Variants in SENP5 observed in about 807,000 individuals in gnomAD.
SENP5 encodes SUMO specific peptidase 5.
A neutral mutation model predicts 74.2 loss-of-function variants in SENP5; 21 were observed. The ratio of observed to expected loss-of-function variants is 0.28; its 90% CI spans 0.20 to 0.41. The LOEUF (loss-of-function observed/expected upper bound fraction) is 0.41. SENP5 is among the 10% of genes least tolerant of loss of function. The pLI is 1.00. For synonymous variants in SENP5, 311 were observed against 312.7 expected (o/e 0.99, Z 0.06); for missense variants, 717 against 889.1 (o/e 0.81, Z 2.46).
intron 6 of SENP5, among the ~76,000 whole-genome samples, chr3:196,921,139 A>G (rs937290426): frequency 6.6e-6 from 1 of 152,250 alleles, no homozygotes; most frequent in African/African-American, 2.4e-5. Flanking sequence ...TTGCATATAT[A>G]TAATGAGATA....
intron 1 of SENP5, among the ~76,000 whole-genome samples, chr3:196,884,553 A>G (rs903619123): frequency 6.6e-6 from 1 of 152,230 alleles, no homozygotes; most frequent in Non-Finnish European, 1.5e-5. Flanking sequence ...TTTACTCAGA[A>G]GTGCTGTATT....
At chr3:196,894,994 T>C (rs1714380407) in intron 2 of SENP5, among the ~76,000 whole-genome samples, 1 of 152,220 alleles carries the variant, frequency 6.6e-6, no homozygotes, top group Non-Finnish European at 1.5e-5. Flanking sequence ...TTAGATACTG[T>C]ATACCTTCCT....
rs1181362676 is a variant in SENP5, at chr3:196,932,506, C to G, written c.*1583C>G. 1 of 152,180 alleles carries G rather than the reference C, an allele frequency of 6.6e-6. No homozygotes were observed. The highest frequency in any genetic ancestry group is 1.5e-5 in the Non-Finnish European group (1 of 68,082). The allele number at this position is 152,180 out of a possible 1,614,324, so 9.4% of individuals were successfully genotyped here. Reference sequence around the variant, plus strand: ...CCAGCACTTTCCTCTCCTGAGTCCTCCAGACCCAAAATCCTTAATGTCAAA... The same window carrying G: ...CCAGCACTTTCCTCTCCTGAGTCCTGCAGACCCAAAATCCTTAATGTCAAA... On this transcript the variant is annotated 3_prime_UTR_variant, in exon 10 of 10. Coordinates refer to ENST00000323460, the MANE Select transcript of SENP5 (RefSeq NM_152699.5).
At chr3:196,891,274 G>T (rs950890586) in intron 2 of SENP5, among the ~76,000 whole-genome samples, 1 of 152,208 alleles carries the variant, frequency 6.6e-6, no homozygotes, top group East Asian at 1.9e-4. Flanking sequence ...ATTAATAGTT[G>T]CCAGGAGCTG....
intron 2 of SENP5, among the ~76,000 whole-genome samples, chr3:196,889,893 A>G (rs1460554719): frequency 6.6e-6 from 1 of 152,208 alleles, no homozygotes; most frequent in Admixed American, 6.5e-5. Flanking sequence ...CACCCATGGT[A>G]AGGACTGAGT....
At chr3:196,928,739 G>A (rs537869116) in intron 8 of SENP5, among the ~76,000 whole-genome samples, 20 of 152,248 alleles carry the variant, frequency 1.3e-4, no homozygotes, top group South Asian at 8.3e-4. Flanking sequence ...TTAAAATTAA[G>A]CTTAAGTTTT....
Position 196,902,462 on chromosome 3 carries a change from G to A in SENP5, c.1807-1071G>A, listed in dbSNP as rs139879103. Reference sequence around the variant, plus strand: ...TTCAGTCTGTATGTTAAGCTGCATGGTTATCAAAAGAATGTGCCTCAGAAC... The same window carrying A: ...TTCAGTCTGTATGTTAAGCTGCATGATTATCAAAAGAATGTGCCTCAGAAC... On this transcript the variant is annotated intron_variant, in intron 5 of 9. Coordinates refer to ENST00000323460, the MANE Select transcript of SENP5 (RefSeq NM_152699.5). Among the ~76,000 whole-genome samples, 18 of 152,258 alleles carry A rather than the reference G, an allele frequency of 1.2e-4. No homozygotes were observed. In the East Asian group the frequency reaches 3.3e-3, roughly 28 times the overall value.
At chr3:196,891,854 G>C (rs1212932034) in intron 2 of SENP5, among the ~76,000 whole-genome samples, 4 of 151,454 alleles carry the variant, frequency 2.6e-5, no homozygotes, top group Non-Finnish European at 5.9e-5. Flanking sequence ...GCAGTGGCGT[G>C]ATCTTTGCTT....
intron 1 of SENP5, among the ~76,000 whole-genome samples, chr3:196,884,132 G>C (rs539142534): frequency 1.3e-5 from 2 of 152,168 alleles, no homozygotes; most frequent in African/African-American, 4.8e-5. Flanking sequence ...AAAAGAGCAG[G>C]TACTTTTGTT....
At chr3:196,884,539 A>G (rs1479144223) in intron 1 of SENP5, among the ~76,000 whole-genome samples, 4 of 152,246 alleles carry the variant, frequency 2.6e-5, no homozygotes, top group Admixed American at 6.5e-5. Context: ...CAGCTTGACA[A>G]CAGTTTACTC....
intron 9 of SENP5, 83 bp downstream of exon 9, chr3:196,929,766 A>G (rs904085967): frequency 7.0e-5 from 63 of 898,734 alleles, no homozygotes; most frequent in East Asian, 1.4e-4. Context: ...CAGTTCCTGT[A>G]TGTGTATATG....
intron 1 of SENP5, among the ~76,000 whole-genome samples, chr3:196,872,049 C>T (rs749989701): frequency 3.9e-5 from 6 of 152,150 alleles, no homozygotes; most frequent in African/African-American, 7.2e-5. Context: ...CACACTTGGC[C>T]GATATAACTT....
intron 2 of SENP5, among the ~76,000 whole-genome samples, chr3:196,887,612 G>C (rs1714030732): frequency 6.6e-6 from 1 of 151,772 alleles, no homozygotes; most frequent in Non-Finnish European, 1.5e-5. Context: ...AGGGAACTTG[G>C]TGTCATTCTA....
intron 1 of SENP5, among the ~76,000 whole-genome samples, chr3:196,872,657 C>G (rs2108802697): frequency 1.3e-5 from 2 of 152,256 alleles, no homozygotes; most frequent in Middle Eastern, 6.8e-3. Flanking sequence ...GATAGCGGAG[C>G]TGCACTATCC....
At chr3:196,897,576 G>A (rs928231918) in intron 2 of SENP5, among the ~76,000 whole-genome samples, 3 of 152,200 alleles carry the variant, frequency 2.0e-5, no homozygotes, top group African/African-American at 7.2e-5. Context: ...TCACTTCTTT[G>A]TCTGTCTCTC....
intron 7 of SENP5, 83 bp downstream of exon 7, chr3:196,923,634 CA>C (rs1286215638): frequency 3.3e-6 from 3 of 916,336 alleles, no homozygotes; most frequent in Non-Finnish European, 5.0e-6. Context: ...CAGCAGCAGT[CA>C]AAACCATATA....
intron 3 of SENP5, 39 bp downstream of exon 3, chr3:196,899,810 A>C: frequency 6.4e-7 from 1 of 1,559,206 alleles, no homozygotes; most frequent in East Asian, 2.2e-5. Flanking sequence ...TTGAAAATAA[A>C]ATTTTTGGCA....
chr3:196,904,901 T>C (rs1457502239), intron 6 of SENP5: 7 of 152,170 alleles, frequency 4.6e-5, no homozygotes, highest in Admixed American at 1.3e-4. Context: ...CTTAGCAACA[T>C]TGATTCATTC....
Position 196,886,268 on chromosome 3 carries a change from TCTC to T in SENP5, c.1090_1092del (p.Pro364del). 1.2e-6 allele frequency: 2 copies of T among 1,614,122 alleles called. No individual in the cohort carries two copies. On this transcript the variant is annotated inframe_deletion, in exon 2 of 10. Coordinates refer to ENST00000323460, the MANE Select transcript of SENP5 (RefSeq NM_152699.5). ...CGCCTGGGACCAGTCATCCTGTTCT[TCTC>T]CTAAGTGGGAGTGTACAGAGCTGAT...
Sources: allele counts gnomAD v4.1 joint callset (sites outside exome capture counted in the v4.1 genomes callset), GRCh38; gene constraint gnomAD v4.1.1; transcripts MANE v1.5; gene names NCBI Gene and HGNC (gene_info 2026-07-23, HGNC 2026-07-21).